Variants in VPS54 observed in about 807,000 individuals in gnomAD.
VPS54 encodes vacuolar protein sorting-associated protein 54.
A neutral mutation model predicts 121.5 loss-of-function variants in VPS54; 45 were observed. The observed-to-expected ratio is 0.37, with a 90% CI of 0.29 to 0.47. VPS54 has a LOEUF of 0.47. VPS54 is among the 20% of genes least tolerant of loss of function. VPS54 has a pLI of 0.99. For missense variants in VPS54, 1,090 were observed against 1,131.4 expected (o/e 0.96, Z 0.52); for synonymous variants, 371 against 385.8 (o/e 0.96, Z 0.45).
intron 17 of VPS54, chr2:63,913,968 T>C: frequency 7.6e-7 from 1 of 1,320,358 alleles, no homozygotes; most frequent in Non-Finnish European, 9.9e-7. Flanking sequence ...CATTAACAAC[T>C]CTATGGGTGA....
chr2:63,918,135 A>G (rs1261532947), intron 15 of VPS54, among the ~76,000 whole-genome samples: 1 of 152,022 alleles, frequency 6.6e-6, no homozygotes, highest in Non-Finnish European at 1.5e-5. Flanking sequence ...TGGACTTCTA[A>G]TAGCATACAC....
intron 1 of VPS54, among the ~76,000 whole-genome samples, chr2:63,992,843 G>A (rs555051966): frequency 4.7e-4 from 72 of 152,256 alleles, no homozygotes; most frequent in Admixed American, 6.5e-4. Context: ...ACATAAATCA[G>A]ATTGTGAAAA....
chr2:63,904,266 G>C (rs6759483), intron 20 of VPS54, among the ~76,000 whole-genome samples: 55,778 of 151,164 alleles, frequency 0.37, 10,907 homozygotes, highest in Non-Finnish European at 0.42. Flanking sequence ...TGGTGAAACC[G>C]CACATCTACT....
At chr2:64,010,124 G>A (rs961784051) in intron 1 of VPS54, among the ~76,000 whole-genome samples, 3 of 152,080 alleles carry the variant, frequency 2.0e-5, no homozygotes, top group Non-Finnish European at 4.4e-5. Flanking sequence ...TTACAGGCGT[G>A]AGCCACCGCG....
At chr2:64,008,964 TATGA>T (rs983591319) in intron 1 of VPS54, among the ~76,000 whole-genome samples, 1 of 152,238 alleles carries the variant, frequency 6.6e-6, no homozygotes, top group Non-Finnish European at 1.5e-5. Context: ...ATCTCCATTA[TATGA>T]ATGAAGAAAC....
At chr2:64,013,372 C>T (rs911985334) in intron 1 of VPS54, among the ~76,000 whole-genome samples, 1 of 151,782 alleles carries the variant, frequency 6.6e-6, no homozygotes, top group Non-Finnish European at 1.5e-5. Flanking sequence ...GAGAGGAAGG[C>T]GGTAGGACTA....
intron 3 of VPS54, among the ~76,000 whole-genome samples, chr2:63,973,378 T>C (rs1343909253): frequency 1.3e-5 from 2 of 152,220 alleles, no homozygotes; most frequent in Admixed American, 6.5e-5. Context: ...AAAATACATA[T>C]AACATAAAAT....
chr2:63,903,425 C>T (rs931222117), intron 20 of VPS54, among the ~76,000 whole-genome samples: 1 of 151,990 alleles, frequency 6.6e-6, no homozygotes, highest in Non-Finnish European at 1.5e-5. Context: ...AGTATGGTAT[C>T]GGATGGATCC....
chr2:63,917,483 C>A (rs1278594905), intron 15 of VPS54, among the ~76,000 whole-genome samples: 2 of 151,962 alleles, frequency 1.3e-5, no homozygotes, highest in African/African-American at 4.8e-5. Context: ...CCAGACGTTA[C>A]TTTATTTTCA....
At chr2:64,008,780 CAG>C (rs1678288730) in intron 1 of VPS54, among the ~76,000 whole-genome samples, 2 of 151,696 alleles carry the variant, frequency 1.3e-5, no homozygotes, top group Non-Finnish European at 2.9e-5. Flanking sequence ...GGAAGGATGA[CAG>C]GGAAGAATGA....
intron 11 of VPS54, 132 bp downstream of exon 11, chr2:63,942,333 G>A (rs1198862443): frequency 1.8e-6 from 1 of 557,148 alleles, no homozygotes; most frequent in Admixed American, 4.1e-5. Context: ...TTAAAAACAA[G>A]CCTCTTTAGA....
chr2:63,978,871 T>C (rs1676668524), intron 3 of VPS54, among the ~76,000 whole-genome samples: 1 of 152,150 alleles, frequency 6.6e-6, no homozygotes, highest in South Asian at 2.1e-4. Flanking sequence ...CTGCCCACCA[T>C]GGCCTCCCAA....
chr2:63,950,797 A>C (rs1675207561), intron 7 of VPS54, among the ~76,000 whole-genome samples: 1 of 151,776 alleles, frequency 6.6e-6, no homozygotes, highest in Admixed American at 6.6e-5. Context: ...TTTTTCCCCC[A>C]GAGTAGGGCA....
chr2:63,929,654 A>G (rs896837700), intron 12 of VPS54, among the ~76,000 whole-genome samples: 3 of 152,112 alleles, frequency 2.0e-5, no homozygotes, highest in African/African-American at 7.2e-5. Flanking sequence ...AAGGCAAGAA[A>G]TAACTAAGAT....
chr2:63,904,092 A>G (rs1339415210), intron 20 of VPS54, among the ~76,000 whole-genome samples: 1 of 152,196 alleles, frequency 6.6e-6, no homozygotes, highest in Non-Finnish European at 1.5e-5. Context: ...TGGAATGGTT[A>G]CATTTGTATT....
chr2:63,959,789 C>G (rs6746875), intron 7 of VPS54, among the ~76,000 whole-genome samples: 120,054 of 151,866 alleles, frequency 0.79, 48,812 homozygotes, highest in African/African-American at 0.93. Flanking sequence ...GGGAGGCCGA[C>G]ATGGGCAGAT....
chr2:63,990,512 C>A (rs1043680027), intron 1 of VPS54, among the ~76,000 whole-genome samples: 3 of 152,144 alleles, frequency 2.0e-5, no homozygotes, highest in South Asian at 2.1e-4. Flanking sequence ...ATCCACTCAG[C>A]CTGCCTCTCT....
At chr2:63,946,298 G>T (rs1392557010) in intron 9 of VPS54, among the ~76,000 whole-genome samples, 1 of 152,046 alleles carries the variant, frequency 6.6e-6, no homozygotes, top group Admixed American at 6.6e-5. Flanking sequence ...GATGGAATTT[G>T]GGCTGTTTCC....
In VPS54 at chr2:63,912,686, T is replaced by C. The variant is rs770252343; in HGVS notation, c.2423-25A>G. The C allele has an allele frequency of 5.2e-6, 8 of 1,541,428 alleles. No homozygotes were observed. In the East Asian group the frequency reaches 1.5e-4, roughly 28 times the overall value. On this transcript the variant is annotated intron_variant, in intron 18 of 22. Transcript: ENST00000272322. ...GCTGAAGATCCAGGGAGTAGATATA[T>C]AATGGAGAAATAAAAAAAAAAAAGG...
Sources: gnomAD v4.1 joint callset for allele counts (sites outside exome capture counted in the v4.1 genomes callset) on GRCh38, gnomAD v4.1.1 for gene constraint, MANE v1.5 for transcripts, NCBI Gene and HGNC (gene_info 2026-07-23, HGNC 2026-07-21) for gene names.